Variants in ELFN2 observed in about 807,000 individuals in gnomAD.
The protein encoded by ELFN2 is extracellular leucine rich repeat and fibronectin type III domain containing 2.
Under a neutral mutation model 45.5 loss-of-function variants are expected in ELFN2, and 17 were observed. That is an observed-to-expected ratio of 0.37 (90% confidence interval 0.26 to 0.56). The LOEUF is 0.56. Ranked by LOEUF, ELFN2 falls within the 20% of genes least tolerant of loss-of-function variation. The pLI is 0.77. For synonymous variants in ELFN2, 550 were observed against 551.5 expected, an observed-to-expected ratio of 1.00 and a Z score of 0.04; for missense variants, 922 against 1,183.2, an observed-to-expected ratio of 0.78 and a Z score of 3.24.
intron 2 of ELFN2, among the ~76,000 whole-genome samples, chr22:37,396,165 T>C (rs1932208507): frequency 6.6e-6 from 1 of 152,208 alleles, no homozygotes; most frequent in Non-Finnish European, 1.5e-5. Context: ...CGCCAGAGAC[T>C]TTGCTATTTA....
At chr22:37,383,574 G>C (rs1931848642) in intron 2 of ELFN2, among the ~76,000 whole-genome samples, 1 of 152,228 alleles carries the variant, frequency 6.6e-6, no homozygotes, top group Non-Finnish European at 1.5e-5. Flanking sequence ...CTGTGTCACA[G>C]GGAAACAGGG....
chr22:37,345,046 G>A (rs2145608286), intron 1 of ELFN2, among the ~76,000 whole-genome samples: 1 of 152,342 alleles, frequency 6.6e-6, no homozygotes, highest in South Asian at 2.1e-4. Flanking sequence ...TGCAGAGCAA[G>A]CCTGTCTCCT....
chr22:37,384,278 C>T (rs1490298431), intron 2 of ELFN2, among the ~76,000 whole-genome samples: 1 of 152,006 alleles, frequency 6.6e-6, no homozygotes, highest in Non-Finnish European at 1.5e-5. Context: ...GGCCCACTCC[C>T]TGGCAAACCC....
intron 1 of ELFN2, among the ~76,000 whole-genome samples, chr22:37,419,152 C>T (rs1359910625): frequency 6.6e-6 from 1 of 151,904 alleles, no homozygotes; most frequent in African/African-American, 2.4e-5. Flanking sequence ...CACACTCGGG[C>T]CTCCCTTCCC....
intron 1 of ELFN2, among the ~76,000 whole-genome samples, chr22:37,346,763 A>G (rs1930705675): frequency 6.6e-6 from 1 of 152,086 alleles, no homozygotes; most frequent in African/African-American, 2.4e-5. Context: ...GCAGCACACA[A>G]CCGTACACAC....
chr22:37,427,257 TC>T (rs1932859789), intron 1 of ELFN2, 40 bp downstream of exon 1: 1 of 21,340 alleles, frequency 4.7e-5, no homozygotes, highest in Admixed American at 5.1e-4. Flanking sequence ...GTCTCCCCGG[TC>T]GGTCGGTCGC....
rs1931561083 is a variant in ELFN2, at chr22:37,375,739, G to C, written c.-205C>G. The C allele has an allele frequency of 1.6e-6, 1 of 639,022 alleles. No individual in the cohort carries two copies. The highest frequency in any genetic ancestry group is 1.9e-5 in the African/African-American group (1 of 52,192). 39.6% of individuals were successfully genotyped at this position (639,022 alleles called of 1,614,324 possible). A position where few individuals can be genotyped will look rare whatever the true frequency, so the allele number is the denominator to read the frequency against. Reference sequence around the variant, plus strand: ...ACAGCAGGCACTAGGCCTGGCTAGGGCTGGGGGTGGGGGCCCCACAGCCTG... The same window carrying C: ...ACAGCAGGCACTAGGCCTGGCTAGGCCTGGGGGTGGGGGCCCCACAGCCTG... On this transcript the variant is annotated 5_prime_UTR_variant, in exon 3 of 3. Transcript: ENST00000402918.
Position 37,354,113 on chromosome 22 carries a change from C to T in ELFN2, n.149-11410G>A, listed in dbSNP as rs374694842. ...CGATCCACATGAATGAATCATGACA[C>T]GTTGCTGAGGGAAAGACGCCAGTCT... On this transcript the variant is annotated intron_variant and non_coding_transcript_variant, in intron 1 of 2. Coordinates refer to ENST00000452946, the Ensembl canonical transcript of ELFN2. 9 of 152,318 alleles carry T rather than the reference C, an allele frequency of 5.9e-5. No homozygotes were observed. The East Asian group carries it at 1.5e-3, about 26-fold the overall frequency. The allele number at this position is 152,318 out of a possible 1,614,324, so 9.4% of individuals were successfully genotyped here. A position where few individuals can be genotyped will look rare whatever the true frequency, so the allele number is the denominator to read the frequency against.
At chr22:37,401,216 G>A (rs1414412546) in intron 2 of ELFN2, among the ~76,000 whole-genome samples, 2 of 152,246 alleles carry the variant, frequency 1.3e-5, no homozygotes, top group Non-Finnish European at 2.9e-5. Flanking sequence ...AACTAGCAAA[G>A]GGAGCACAGC....
At chr22:37,399,517 C>T (rs981841021) in intron 2 of ELFN2, among the ~76,000 whole-genome samples, 29 of 144,996 alleles carry the variant, frequency 2.0e-4, no homozygotes, top group Non-Finnish European at 3.1e-4. Context: ...ACGGGGACCA[C>T]CAGCCCACCT....
chr22:37,360,415 G>A (rs1931056512), intron 1 of ELFN2, among the ~76,000 whole-genome samples: 1 of 152,216 alleles, frequency 6.6e-6, no homozygotes. Flanking sequence ...AACTCAAACG[G>A]CCTCATGCCT....
intron 2 of ELFN2, among the ~76,000 whole-genome samples, chr22:37,412,922 C>T (rs1466203645): frequency 1.3e-5 from 2 of 152,320 alleles, no homozygotes; most frequent in Admixed American, 1.3e-4. Flanking sequence ...CCCCTAACCA[C>T]GCTCCCCACT....
chr22:37,391,984 C>T (rs1220943910), intron 2 of ELFN2, among the ~76,000 whole-genome samples: 2 of 152,256 alleles, frequency 1.3e-5, no homozygotes, highest in Admixed American at 6.5e-5. Context: ...CCCATCTCCT[C>T]TGCCCCACGC....
chr22:37,355,038 A>T (rs1930915401), intron 1 of ELFN2, among the ~76,000 whole-genome samples: 1 of 152,186 alleles, frequency 6.6e-6, no homozygotes, highest in Non-Finnish European at 1.5e-5. Flanking sequence ...AGAACAGATG[A>T]CATCTCTCGT....
intron 2 of ELFN2, among the ~76,000 whole-genome samples, chr22:37,396,001 CT>C (rs889707016): frequency 3.9e-5 from 6 of 152,174 alleles, no homozygotes; most frequent in African/African-American, 7.2e-5. Flanking sequence ...CTCAGCACCT[CT>C]GAGGACCCGC....
At chr22:37,413,068 A>G (rs1932689980) in intron 2 of ELFN2, among the ~76,000 whole-genome samples, 1 of 152,150 alleles carries the variant, frequency 6.6e-6, no homozygotes, top group African/African-American at 2.4e-5. Flanking sequence ...GACACTCCCT[A>G]TGCTGCAGGG....
chr22:37,419,730 A>G (rs1402998389), intron 1 of ELFN2, among the ~76,000 whole-genome samples: 1 of 152,134 alleles, frequency 6.6e-6, no homozygotes, highest in African/African-American at 2.4e-5. Flanking sequence ...CACACGTGCC[A>G]ATGCACATGA....
rs1336314853 is a variant in ELFN2, at chr22:37,370,098, C to G, written c.*2974G>C. On this transcript the variant is annotated 3_prime_UTR_variant, in exon 3 of 3. Transcript: ENST00000402918. ...GGAGGCCAGAGACCCGAGTCTTAGA[C>G]CCCGCTCTGCCTCACAAAGAACCAC... 6.6e-6 allele frequency: 1 copy of G among 152,198 alleles called. No homozygotes were observed. The highest frequency in any genetic ancestry group is 1.5e-5 in the Non-Finnish European group (1 of 68,060). 9.4% of individuals were successfully genotyped at this position (152,198 alleles called of 1,614,324 possible).
intron 2 of ELFN2, among the ~76,000 whole-genome samples, chr22:37,403,834 C>G (rs1932430247): frequency 6.6e-6 from 1 of 152,238 alleles, no homozygotes; most frequent in African/African-American, 2.4e-5. Flanking sequence ...CCACAGGCCC[C>G]AGAATGAGAG....
Sources: allele counts gnomAD v4.1 joint callset (sites outside exome capture counted in the v4.1 genomes callset), GRCh38; gene constraint gnomAD v4.1.1; transcripts MANE v1.5; gene names NCBI Gene and HGNC (gene_info 2026-07-23, HGNC 2026-07-21).